The following PTGIS variants were observed in gnomAD, a reference collection of about 807,000 sequenced individuals.
PTGIS encodes the protein prostaglandin I2 synthase.
In PTGIS, 45 loss-of-function variants were observed where a neutral mutation model predicts 50.3. That is an observed-to-expected ratio of 0.90 (90% CI 0.70 to 1.15). The LOEUF (loss-of-function observed/expected upper bound fraction) is 1.15. PTGIS is among the 50% of genes most tolerant of loss of function. PTGIS has a pLI of 0.00. For synonymous variants in PTGIS, 260 were observed against 267.7 expected, an observed-to-expected ratio of 0.97 and a Z score of 0.28; for missense variants, 668 against 661.3, an observed-to-expected ratio of 1.01 and a Z score of -0.11.
In PTGIS at chr20:49,507,348, CAAG is replaced by C. The variant is rs1175235906; in HGVS notation, c.*569_*571del. 4.7e-5 allele frequency: 9 copies of C among 193,410 alleles called. No homozygotes were observed. In the East Asian group the frequency reaches 1.0e-3, roughly 22 times the overall value. The allele number at this position is 193,410 out of a possible 1,614,324, so 12.0% of individuals were successfully genotyped here. On this transcript the variant is annotated 3_prime_UTR_variant, in exon 10 of 10. Coordinates refer to ENST00000244043, the MANE Select transcript of PTGIS (RefSeq NM_000961.4). The stretch of plus-strand genomic sequence containing the variant: ...TGGGGGAAGCTCTCCTGCATTTTCT[CAAG>C]TAGTGTGAGCAATGGGGCAATCTGG...
At chr20:49,544,818 C>T (rs1424180201) in intron 3 of PTGIS, among the ~76,000 whole-genome samples, 1 of 152,192 alleles carries the variant, frequency 6.6e-6, no homozygotes, top group Non-Finnish European at 1.5e-5. Flanking sequence ...AATTCTTAAC[C>T]AGGAGAGTCT....
intron 9 of PTGIS, among the ~76,000 whole-genome samples, chr20:49,510,329 A>G (rs993919365): frequency 6.6e-6 from 1 of 152,204 alleles, no homozygotes; most frequent in African/African-American, 2.4e-5. Flanking sequence ...TGCATGCACA[A>G]TAATGATATT....
chr20:49,511,755 G>A (rs140173264), intron 8 of PTGIS, among the ~76,000 whole-genome samples: 3 of 152,278 alleles, frequency 2.0e-5, no homozygotes, highest in East Asian at 3.9e-4. Context: ...AGTAGCTGCC[G>A]ACTGAAAGAT....
intron 6 of PTGIS, among the ~76,000 whole-genome samples, chr20:49,522,677 T>C (rs1981681729): frequency 6.6e-6 from 1 of 152,030 alleles, no homozygotes; most frequent in African/African-American, 2.4e-5. Flanking sequence ...TCTGCACACT[T>C]CAAAAAATGT....
At chr20:49,514,729 A>G (rs1243344507) in intron 6 of PTGIS, among the ~76,000 whole-genome samples, 1 of 152,262 alleles carries the variant, frequency 6.6e-6, no homozygotes, top group Non-Finnish European at 1.5e-5. Context: ...ACATCTGAGA[A>G]TGATCACATT....
intron 1 of PTGIS, among the ~76,000 whole-genome samples, chr20:49,555,476 T>C (rs1982604505): frequency 6.6e-6 from 1 of 152,190 alleles, no homozygotes; most frequent in Non-Finnish European, 1.5e-5. Context: ...CATTAGGTCC[T>C]CTGAAGTCCA....
intron 1 of PTGIS, among the ~76,000 whole-genome samples, chr20:49,561,605 G>C (rs1017780052): frequency 3.9e-5 from 6 of 152,214 alleles, no homozygotes; most frequent in Non-Finnish European, 8.8e-5. Flanking sequence ...TTTTGCATAA[G>C]AGGCAGGAGG....
Position 49,514,321 on chromosome 20 carries a change from G to A in PTGIS, c.930C>T (p.Arg310=), listed in dbSNP as rs752887932. 40 of 1,614,000 alleles carry A rather than the reference G, an allele frequency of 2.5e-5. No individual in the cohort carries two copies. The highest frequency in any genetic ancestry group is 8.9e-5 in the East Asian group (4 of 44,894). ...LKNPEALAAV[R]GELESILWQA... The stretch of plus-strand genomic sequence containing the variant: ...GCCAAAGGATACTCTCGAGCTCTCC[G>A]CGGACAGCAGCCAGGGCTTCAGGAT... Residue 310 remains arginine, a synonymous_variant, in exon 7 of 10, where the codon CGC becomes CGT. Transcript: ENST00000244043.
chr20:49,561,602 T>G (rs140318572), intron 1 of PTGIS, among the ~76,000 whole-genome samples: 47 of 152,312 alleles, frequency 3.1e-4, no homozygotes, highest in African/African-American at 1.0e-3. Flanking sequence ...GATTTTTGCA[T>G]AAGAGGCAGG....
At chr20:49,537,303 C>T (rs1982103582) in intron 5 of PTGIS, among the ~76,000 whole-genome samples, 1 of 152,224 alleles carries the variant, frequency 6.6e-6, no homozygotes, top group Non-Finnish European at 1.5e-5. Context: ...CACACGGAAT[C>T]AGCCAGGACA....
chr20:49,545,550 A>G (rs1003135548), intron 3 of PTGIS, among the ~76,000 whole-genome samples: 1 of 152,178 alleles, frequency 6.6e-6, no homozygotes, highest in Non-Finnish European at 1.5e-5. Context: ...CCCGTCTGGA[A>G]GAGTGTGGCA....
intron 6 of PTGIS, among the ~76,000 whole-genome samples, chr20:49,520,972 T>C (rs929176901): frequency 6.6e-6 from 1 of 152,226 alleles, no homozygotes; most frequent in Non-Finnish European, 1.5e-5. Context: ...TGTTTATTAA[T>C]TGTCTATCTT....
intron 6 of PTGIS, among the ~76,000 whole-genome samples, chr20:49,520,108 C>A (rs1044157184): frequency 1.8e-4 from 27 of 152,238 alleles, no homozygotes; most frequent in African/African-American, 6.3e-4. Context: ...CCATGGCCTA[C>A]AGGGACCTGT....
intron 1 of PTGIS, among the ~76,000 whole-genome samples, chr20:49,557,622 G>A (rs1982650516): frequency 1.3e-5 from 2 of 151,696 alleles, no homozygotes; most frequent in Non-Finnish European, 2.9e-5. Flanking sequence ...GGGGAGAAAG[G>A]AAAATAAAAA....
At position 49,539,711 on chromosome 20, in the gene PTGIS, G is replaced by C; in HGVS notation, c.532C>G (p.Leu178Val). ...AGCGCCTCAATTCCGTAAAGAGTCA[G>C]GTAGCCGGCTCTGGGGGCGGCAGAC... is the stretch of plus-strand genomic sequence containing the variant. ...SYSFLLRAGY[L>V]TLYGIEALPR... Residue 178 changes from leucine (L) to valine (V), a missense_variant, in exon 5 of 10, where the codon CTG (leucine) becomes GTG (valine). Leu to Val is a conservative substitution (Grantham distance 32). Transcript: ENST00000244043. 1 of 1,612,420 alleles carries C rather than the reference G, an allele frequency of 6.2e-7. No homozygotes were observed. Among genetic ancestry groups the C allele is most frequent in the South Asian group, 1.1e-5 (1 of 90,892 alleles).
chr20:49,559,605 G>A lies in PTGIS; in HGVS notation c.74+8438C>T, dbSNP rs1021209417. ...ATGTGGTGTATCAATGCCACGAAAC[G>A]TTACTCAGCCACAAAAAGGAATGAA... On this transcript the variant is annotated intron_variant, in intron 1 of 9. Transcript: ENST00000244043. Among the ~76,000 whole-genome samples, 5 of 152,268 alleles carry A rather than the reference G, an allele frequency of 3.3e-5. No individual in the cohort carries two copies. In the East Asian group the frequency reaches 9.7e-4, roughly 29 times the overall value.
At position 49,507,222 on chromosome 20, in the gene PTGIS, C is replaced by T. The variant is rs1421161168; in HGVS notation, c.*698G>A. 1 of 157,574 alleles carries T rather than the reference C, an allele frequency of 6.3e-6. No homozygotes were observed. Among genetic ancestry groups the T allele is most frequent in the Admixed American group, 6.1e-5 (1 of 16,486 alleles). 9.8% of individuals were successfully genotyped at this position (157,574 alleles called of 1,614,324 possible). A position where few individuals can be genotyped will look rare whatever the true frequency, so the allele number is the denominator to read the frequency against. On this transcript the variant is annotated 3_prime_UTR_variant, in exon 10 of 10. Transcript: ENST00000244043. Reference sequence around the variant, plus strand: ...ACCTGAGTGCTGACACTGAGAAAGCCCATCCCATCTGGTGCCTGTCACTCT... The same window carrying T: ...ACCTGAGTGCTGACACTGAGAAAGCTCATCCCATCTGGTGCCTGTCACTCT...
intron 3 of PTGIS, among the ~76,000 whole-genome samples, chr20:49,546,041 T>C (rs1237052664): frequency 6.6e-6 from 1 of 152,070 alleles, no homozygotes; most frequent in East Asian, 1.9e-4. Flanking sequence ...TGTATGACAA[T>C]GCATGTGAAG....
intron 9 of PTGIS, among the ~76,000 whole-genome samples, chr20:49,509,865 TTTTC>T (rs1202635107): frequency 2.1e-4 from 31 of 146,374 alleles, no homozygotes; most frequent in Middle Eastern, 3.5e-3. Flanking sequence ...CCCTGCAGTT[TTTTC>T]TTTCTTTCTT....
Sources: allele counts gnomAD v4.1 joint callset (sites outside exome capture counted in the v4.1 genomes callset), GRCh38; gene constraint gnomAD v4.1.1; transcripts MANE v1.5; gene names NCBI Gene and HGNC (gene_info 2026-07-23, HGNC 2026-07-21).